ANK2: variants seen among roughly 807,000 people sequenced by gnomAD.
ANK2 encodes ankyrin 2.
A neutral mutation model predicts 360.5 loss-of-function variants in ANK2; 83 were observed. The ratio of observed to expected loss-of-function variants is 0.23; its 90% CI spans 0.19 to 0.28. ANK2 has a LOEUF of 0.28. ANK2 is among the 10% of genes least tolerant of loss of function. The probability of loss-of-function intolerance (pLI) is 1.00; values close to 1 mark genes in which losing one functional copy is unlikely to be tolerated. For synonymous variants in ANK2, 1,740 were observed against 1,759.5 expected (o/e 0.99, Z 0.28); for missense variants, 4,201 against 4,795.7 (o/e 0.88, Z 3.66).
chr4:113,334,187 A>G (rs1012978910), intron 29 of ANK2, among the ~76,000 whole-genome samples: 1 of 152,170 alleles, frequency 6.6e-6, no homozygotes, highest in Non-Finnish European at 1.5e-5. Context: ...TCTACATCCT[A>G]CCACGGTTTG....
upstream of ANK2, chr4:112,818,073 G>A (rs1466191147): frequency 6.6e-6 from 1 of 152,174 alleles, no homozygotes; most frequent in Non-Finnish European, 1.5e-5. Flanking sequence ...GTGCTCTGTG[G>A]GCAGCTGGGA....
At chr4:113,008,231 T>C (rs1334983820) in intron 2 of ANK2, among the ~76,000 whole-genome samples, 1 of 152,170 alleles carries the variant, frequency 6.6e-6, no homozygotes, top group Non-Finnish European at 1.5e-5. Flanking sequence ...ATATAAAGCT[T>C]TGTGTGCTAC....
rs74701846 is a variant in ANK2, at chr4:113,295,818, A to T, written c.2475+2280A>T. On this transcript the variant is annotated intron_variant, in intron 22 of 45. Transcript: ENST00000357077. ...CATGTTTCGATGCTGGTCTCTCTTCACTGTCTGCTGCTCTTTGAACTGGTT... is the reference window on the plus strand; with the variant it reads ...CATGTTTCGATGCTGGTCTCTCTTCTCTGTCTGCTGCTCTTTGAACTGGTT... Among the ~76,000 whole-genome samples, 809 of 152,256 alleles carry T rather than the reference A, an allele frequency of 5.3e-3. 7 individuals are homozygous for T. Among genetic ancestry groups the T allele is most frequent in the African/African-American group, 0.018 (761 of 41,556 alleles).
chr4:112,864,088 G>A (rs768193133), intron 1 of ANK2, among the ~76,000 whole-genome samples: 1 of 152,012 alleles, frequency 6.6e-6, no homozygotes, highest in Admixed American at 6.6e-5. Flanking sequence ...GATTAGGTAG[G>A]GTGTTATAGA....
intron 2 of ANK2, among the ~76,000 whole-genome samples, chr4:113,043,313 AAGAAGTAT>A (rs2063428190): frequency 6.6e-6 from 1 of 152,140 alleles, no homozygotes. Context: ...TATGGAAAAG[AAGAAGTAT>A]AGACTAACAC....
chr4:112,756,396 C>T, the ANK2 span, among the ~76,000 whole-genome samples: 1 of 152,184 alleles, frequency 6.6e-6, no homozygotes, highest in Non-Finnish European at 1.5e-5. Context: ...GTAGAACTAA[C>T]TAATCAGGCT....
Position 113,357,817 on chromosome 4 carries a change from T to G in ANK2, c.9199T>G (p.Phe3067Val). The G allele has an allele frequency of 1.2e-6, 2 of 1,613,778 alleles. No individual in the cohort carries two copies. The highest frequency in any genetic ancestry group is 1.7e-6 in the Non-Finnish European group (2 of 1,179,842). ...ARVKEEEQKI[F>V]GLMVDRQSQG... ...TGTGAAAGAGGAAGAACAAAAGATA[T>G]TTGGTTTGATGGTAGACAGACAATC... The change falls in exon 38 of 46, where the codon TTT (phenylalanine) becomes GTT (valine). Residue 3067 changes from phenylalanine (F) to valine (V), a missense_variant. Transcript: ENST00000357077.
At chr4:112,733,655 A>G in the ANK2 span, among the ~76,000 whole-genome samples, 1 of 152,174 alleles carries the variant, frequency 6.6e-6, no homozygotes, top group Non-Finnish European at 1.5e-5. Context: ...ATTTTCTTCA[A>G]TTCAATTCAA....
At chr4:113,371,268 C>T (rs755433178) in intron 43 of ANK2, among the ~76,000 whole-genome samples, 1 of 152,052 alleles carries the variant, frequency 6.6e-6, no homozygotes, top group African/African-American at 2.4e-5. Flanking sequence ...AGGAAAGATC[C>T]AGGCAGATGA....
chr4:113,059,618 G>A (rs2154332707), intron 1 of ANK2, among the ~76,000 whole-genome samples: 1 of 152,156 alleles, frequency 6.6e-6, no homozygotes, highest in African/African-American at 2.4e-5. Flanking sequence ...TGTACTTTGA[G>A]AATTCAGAAA....
the ANK2 span, among the ~76,000 whole-genome samples, chr4:112,760,758 T>C: frequency 6.6e-6 from 1 of 151,858 alleles, no homozygotes; most frequent in Non-Finnish European, 1.5e-5. Flanking sequence ...TTTTTCGATA[T>C]ATTAAATCAA....
At chr4:112,822,704 ACCTGCACTCCAG>A (rs1454353853) in intron 1 of ANK2, among the ~76,000 whole-genome samples, 1 of 149,888 alleles carries the variant, frequency 6.7e-6, no homozygotes, top group African/African-American at 2.5e-5. Flanking sequence ...AAAGATCGCA[ACCTGCACTCCAG>A]CCTGGGTGAC....
intron 36 of ANK2, among the ~76,000 whole-genome samples, chr4:113,349,112 A>G (rs550659368): frequency 6.6e-6 from 1 of 152,260 alleles, no homozygotes; most frequent in East Asian, 1.9e-4. Flanking sequence ...GGTGTTTGTT[A>G]TTAAATACTA....
At chr4:112,862,349 T>C (rs1191700837) in intron 1 of ANK2, among the ~76,000 whole-genome samples, 3 of 152,230 alleles carry the variant, frequency 2.0e-5, no homozygotes, top group East Asian at 3.8e-4. Flanking sequence ...GATAAAGAGA[T>C]ATAGATGGTT....
the ANK2 span, among the ~76,000 whole-genome samples, chr4:112,781,345 C>G: frequency 6.6e-6 from 1 of 152,164 alleles, no homozygotes; most frequent in African/African-American, 2.4e-5. Context: ...GGTGATCTGC[C>G]TACCTTGGCC....
intron 2 of ANK2, among the ~76,000 whole-genome samples, chr4:113,015,893 T>C (rs143796451): frequency 2.2e-4 from 34 of 152,314 alleles, no homozygotes; most frequent in African/African-American, 7.9e-4. Flanking sequence ...CAGAAAATGA[T>C]TAATGAAGGA....
chr4:112,822,238 TAAAAA>T (rs1211981767), intron 1 of ANK2, among the ~76,000 whole-genome samples: 10,280 of 87,978 alleles, frequency 0.12, 375 homozygotes, highest in Middle Eastern at 0.19. Flanking sequence ...CTGTCTCTAC[TAAAAA>T]AAAAAAAAAA....
intron 2 of ANK2, among the ~76,000 whole-genome samples, chr4:112,993,915 C>G (rs2047691855): frequency 6.6e-6 from 1 of 152,114 alleles, no homozygotes; most frequent in East Asian, 1.9e-4. Flanking sequence ...CCCATCTTGG[C>G]CAGGCTGGTC....
chr4:112,754,813 T>C, the ANK2 span, among the ~76,000 whole-genome samples: 4 of 152,120 alleles, frequency 2.6e-5, no homozygotes, highest in Non-Finnish European at 5.9e-5. Flanking sequence ...GAGGGGTTCA[T>C]GTAAAGACAA....
Sources: allele counts gnomAD v4.1 joint callset (sites outside exome capture counted in the v4.1 genomes callset), GRCh38; gene constraint gnomAD v4.1.1; transcripts MANE v1.5; gene names NCBI Gene and HGNC (gene_info 2026-07-23, HGNC 2026-07-21).